The following PLCB1 variants were observed in gnomAD, a reference collection of about 807,000 sequenced individuals.
The protein encoded by PLCB1 is phospholipase C beta 1, also known as 1-phosphatidylinositol 4,5-bisphosphate phosphodiesterase beta-1.
Under a neutral mutation model 161.8 loss-of-function variants are expected in PLCB1, and 46 were observed. The ratio of observed to expected loss-of-function variants is 0.28; its 90% CI spans 0.22 to 0.36. The LOEUF (loss-of-function observed/expected upper bound fraction) is 0.36, where lower values mean the gene tolerates loss of function less well. Among genes scored for constraint, PLCB1 ranks in the 10% least tolerant of loss-of-function variants. The pLI is 1.00. For missense variants in PLCB1, 1,016 were observed against 1,472.5 expected (o/e 0.69, Z 5.07); for synonymous variants, 517 against 503.7 (o/e 1.03, Z -0.35).
At chr20:8,878,740 TTTTA>T (rs1987868005) in intron 31 of PLCB1, among the ~76,000 whole-genome samples, 2 of 152,056 alleles carry the variant, frequency 1.3e-5, no homozygotes, top group African/African-American at 2.4e-5. Flanking sequence ...TTTTATTTAT[TTTTA>T]TTTTTCTTTG....
At chr20:8,721,135 A>T (rs1979609109) in intron 14 of PLCB1, among the ~76,000 whole-genome samples, 1 of 152,320 alleles carries the variant, frequency 6.6e-6, no homozygotes, top group African/African-American at 2.4e-5. Flanking sequence ...CACTACTGTC[A>T]TTCAGTAATT....
At chr20:8,523,490 C>CCATA (rs1206489907) in intron 3 of PLCB1, among the ~76,000 whole-genome samples, 912 of 67,622 alleles carry the variant, frequency 0.013, 153 homozygotes, top group Admixed American at 0.018. Flanking sequence ...CTCTCTCTCT[C>CCATA]TCTCTCTATA....
intron 2 of PLCB1, among the ~76,000 whole-genome samples, chr20:8,156,301 C>G (rs1216812314): frequency 1.3e-5 from 2 of 152,200 alleles, no homozygotes; most frequent in Admixed American, 6.5e-5. Context: ...TCCCAGAACT[C>G]TCTAGTGGGA....
At chr20:8,426,074 A>T (rs1979756391) in intron 3 of PLCB1, among the ~76,000 whole-genome samples, 1 of 152,180 alleles carries the variant, frequency 6.6e-6, no homozygotes. Context: ...AGTTGAAAGG[A>T]ACATGGGAAG....
chr20:8,438,646 G>A (rs897436981), intron 3 of PLCB1, among the ~76,000 whole-genome samples: 5 of 152,294 alleles, frequency 3.3e-5, no homozygotes, highest in South Asian at 2.1e-4. Flanking sequence ...TCTAGGGTGC[G>A]TCAGGATTCA....
chr20:8,510,653 A>T (rs1359370315), intron 3 of PLCB1, among the ~76,000 whole-genome samples: 1 of 152,004 alleles, frequency 6.6e-6, no homozygotes, highest in Non-Finnish European at 1.5e-5. Context: ...GGCCTCCCAA[A>T]GTGCTGGGAT....
intron 3 of PLCB1, among the ~76,000 whole-genome samples, chr20:8,539,664 C>CTTTCTTTCTTTCTTTCTTTCTTTT: frequency 1.1e-5 from 1 of 93,838 alleles, no homozygotes; most frequent in African/African-American, 4.3e-5. Context: ...TTCTTTCTTT[C>CTTTCTTTCTTTCTTTCTTTCTTTT]TTTCTTTCTT....
intron 2 of PLCB1, chr20:8,305,923 G>A (rs886727699): frequency 1.7e-4 from 26 of 152,134 alleles, no homozygotes; most frequent in African/African-American, 4.8e-4. Flanking sequence ...AGTGACTTGT[G>A]GGCTGCTAAG....
intron 3 of PLCB1, among the ~76,000 whole-genome samples, chr20:8,427,740 T>C (rs1448520435): frequency 2.0e-5 from 3 of 152,150 alleles, no homozygotes; most frequent in Admixed American, 2.0e-4. Flanking sequence ...CATCAGGTTT[T>C]GGAAAATGAA....
chr20:8,402,565 T>C (rs1262851899), intron 3 of PLCB1, among the ~76,000 whole-genome samples: 1 of 151,826 alleles, frequency 6.6e-6, no homozygotes, highest in African/African-American at 2.4e-5. Flanking sequence ...CCGGGCGTGG[T>C]GGCTCATGTC....
intron 2 of PLCB1, among the ~76,000 whole-genome samples, chr20:8,254,309 A>C (rs1349454953): frequency 6.6e-6 from 1 of 151,956 alleles, no homozygotes; most frequent in African/African-American, 2.4e-5. Context: ...TGCAATTGTT[A>C]GGTTATACCC....
intron 3 of PLCB1, among the ~76,000 whole-genome samples, chr20:8,576,235 G>A (rs949472167): frequency 1.3e-5 from 2 of 152,124 alleles, no homozygotes; most frequent in African/African-American, 4.8e-5. Context: ...CACTTAACCT[G>A]ATTTTATATC....
intron 4 of PLCB1, among the ~76,000 whole-genome samples, chr20:8,645,555 A>T (rs1292319143): frequency 6.6e-6 from 1 of 152,108 alleles, no homozygotes; most frequent in Non-Finnish European, 1.5e-5. Flanking sequence ...TGAGGTAGGG[A>T]TTATGATTAG....
chr20:8,582,053 T>A (rs1568516733), intron 3 of PLCB1, among the ~76,000 whole-genome samples: 1 of 152,182 alleles, frequency 6.6e-6, no homozygotes, highest in East Asian at 1.9e-4. Flanking sequence ...GTTCTACATA[T>A]TAGAGCTTCT....
In PLCB1 at chr20:8,720,128, A is replaced by G. The variant is rs146693317; in HGVS notation, c.1514-2226A>G. Among the ~76,000 whole-genome samples the G allele has an allele frequency of 1.4e-3, 214 of 152,260 alleles. 2 individuals are homozygous for G. The highest frequency in any genetic ancestry group is 4.8e-3 in the African/African-American group (200 of 41,544). On this transcript the variant is annotated intron_variant, in intron 14 of 31. Transcript: ENST00000338037. ...ATTAACAGGCCTTTCATTCACACCT[A>G]TTTCCTAACACAACTCTATCCGTTG...
chr20:8,353,843 A>C (rs1279341087), intron 2 of PLCB1, among the ~76,000 whole-genome samples: 4 of 152,156 alleles, frequency 2.6e-5, no homozygotes, highest in African/African-American at 7.2e-5. Context: ...AAGGAATATC[A>C]ATGAAGTATG....
intron 21 of PLCB1, 137 bp from the exon 22 acceptor site, chr20:8,740,205 ATG>A (rs1980799100): frequency 8.6e-6 from 5 of 584,318 alleles, no homozygotes; most frequent in Non-Finnish European, 1.5e-5. Flanking sequence ...TCATTCATAA[ATG>A]TTATTAAAAT....
intron 10 of PLCB1, among the ~76,000 whole-genome samples, chr20:8,695,988 A>T (rs1990575827): frequency 6.6e-6 from 1 of 152,152 alleles, no homozygotes; most frequent in Non-Finnish European, 1.5e-5. Context: ...AGGGTATGTT[A>T]GTTCTATTCA....
At chr20:8,809,342 C>T (rs1984698707) in intron 31 of PLCB1, among the ~76,000 whole-genome samples, 1 of 152,062 alleles carries the variant, frequency 6.6e-6, no homozygotes, top group African/African-American at 2.4e-5. Context: ...TCACTATTGC[C>T]GGTGCTCTCA....
Sources: allele counts gnomAD v4.1 joint callset (sites outside exome capture counted in the v4.1 genomes callset), GRCh38; gene constraint gnomAD v4.1.1; transcripts MANE v1.5; gene names NCBI Gene and HGNC (gene_info 2026-07-23, HGNC 2026-07-21).